Variants in MMP16 observed in about 807,000 individuals in gnomAD.
MMP16 encodes matrix metalloproteinase-16.
In MMP16, 12 loss-of-function variants were observed where a neutral mutation model predicts 67.8. That is an observed-to-expected ratio of 0.18 (90% CI 0.11 to 0.29). The LOEUF is 0.29. Among genes scored for constraint, MMP16 ranks in the 10% least tolerant of loss-of-function variants. The pLI, the probability that MMP16 is intolerant of heterozygous loss-of-function variation, is 1.00. For missense variants in MMP16, 475 were observed against 765.7 expected, an observed-to-expected ratio of 0.62 and a Z score of 4.48; for synonymous variants, 249 against 255.9, an observed-to-expected ratio of 0.97 and a Z score of 0.26.
chr8:88,060,538 A>T (rs1025909886), intron 7 of MMP16, among the ~76,000 whole-genome samples: 1 of 152,124 alleles, frequency 6.6e-6, no homozygotes, highest in Non-Finnish European at 1.5e-5. Context: ...TCTCATCTAC[A>T]TTCCACTTAT....
At chr8:88,196,070 G>C (rs772013876) in intron 2 of MMP16, among the ~76,000 whole-genome samples, 1 of 152,126 alleles carries the variant, frequency 6.6e-6, no homozygotes, top group Non-Finnish European at 1.5e-5. Flanking sequence ...TTTTCTCAAG[G>C]TATATAGCAG....
chr8:88,188,489 A>T (rs897540487), intron 2 of MMP16, among the ~76,000 whole-genome samples: 7 of 152,218 alleles, frequency 4.6e-5, no homozygotes, highest in Non-Finnish European at 1.0e-4. Context: ...AATTTGAAAC[A>T]ACAGAATTAA....
chr8:88,187,441 G>A (rs1178690846), intron 2 of MMP16, among the ~76,000 whole-genome samples: 2 of 152,024 alleles, frequency 1.3e-5, no homozygotes, highest in South Asian at 2.1e-4. Flanking sequence ...TCTTTAGTGC[G>A]TTATAAAGTG....
chr8:88,312,162 G>A (rs542921686), intron 1 of MMP16, among the ~76,000 whole-genome samples: 3 of 152,268 alleles, frequency 2.0e-5, no homozygotes, highest in African/African-American at 7.2e-5. Flanking sequence ...CTAGAGCTGA[G>A]AAGAGAGATG....
At chr8:88,137,750 A>AT (rs1808145137) in intron 4 of MMP16, among the ~76,000 whole-genome samples, 1 of 151,796 alleles carries the variant, frequency 6.6e-6, no homozygotes, top group Non-Finnish European at 1.5e-5. Context: ...TGTGTCCTAT[A>AT]TGCATGTCTC....
rs113280707 is a variant in MMP16 at position 88,167,478 on chromosome 8, T to C, written c.709+191A>G. Reference sequence around the variant, plus strand: ...TCTAATCTTTAATCAAAGGAACACATATATAACTATATTATCTAATGACCC... The same window carrying C: ...TCTAATCTTTAATCAAAGGAACACACATATAACTATATTATCTAATGACCC... On this transcript the variant is annotated intron_variant, in intron 4 of 9. Coordinates refer to ENST00000286614, the MANE Select transcript of MMP16 (RefSeq NM_005941.5). Among the ~76,000 whole-genome samples the C allele has an allele frequency of 7.8e-3, 1,184 of 152,288 alleles. 12 individuals are homozygous for C. The highest frequency in any genetic ancestry group is 0.027 in the African/African-American group (1,132 of 41,566).
rs34758855 is a variant in MMP16, at chr8:88,106,051, G to GTATA, written c.1083+10452_1083+10455dup. 4.3e-3 allele frequency among the ~76,000 whole-genome samples: 631 copies of GTATA among 145,396 alleles called. 5 individuals carry two copies. Among genetic ancestry groups the GTATA allele is most frequent in the East Asian group, 0.034 (167 of 4,922 alleles). On this transcript the variant is annotated intron_variant, in intron 6 of 9. Coordinates refer to ENST00000286614, the MANE Select transcript of MMP16 (RefSeq NM_005941.5). Reference sequence around the variant, plus strand: ...ACGTGTATATATATTTACACGTTATGTATATATATATATATATATATATGT... The same window carrying GTATA: ...ACGTGTATATATATTTACACGTTATGTATATATATATATATATATATATATATGT...
At chr8:88,238,817 C>T (rs939919281) in intron 1 of MMP16, among the ~76,000 whole-genome samples, 1 of 151,514 alleles carries the variant, frequency 6.6e-6, no homozygotes, top group Non-Finnish European at 1.5e-5. Flanking sequence ...TGAGAAAATA[C>T]TATGATAGAA....
Position 88,318,773 on chromosome 8 carries a change from CTT to C in MMP16, c.132+8300_132+8301del, listed in dbSNP as rs372208171. On this transcript the variant is annotated intron_variant, in intron 1 of 9. Transcript: ENST00000286614. ...GTTTATATATGAAACATTTAGAACA[CTT>C]ATTAGGCACATAGCATGTGTTTAAC... Among the ~76,000 whole-genome samples, 33 of 152,242 alleles carry C rather than the reference CTT, an allele frequency of 2.2e-4. 2 individuals carry two copies. The highest frequency in any genetic ancestry group is 3.4e-3 in the Middle Eastern group (1 of 294).
intron 1 of MMP16, among the ~76,000 whole-genome samples, chr8:88,209,817 T>C (rs1280438955): frequency 6.6e-6 from 1 of 152,152 alleles, no homozygotes; most frequent in East Asian, 1.9e-4. Flanking sequence ...CCAGATAATA[T>C]CCCATTACAT....
chr8:88,098,845 T>G (rs1019336113), intron 6 of MMP16, among the ~76,000 whole-genome samples: 2 of 151,912 alleles, frequency 1.3e-5, no homozygotes, highest in African/African-American at 4.8e-5. Context: ...AACAAAATTA[T>G]GGCTAAACTT....
At chr8:88,092,988 C>T (rs571414217) in intron 6 of MMP16, among the ~76,000 whole-genome samples, 1 of 151,912 alleles carries the variant, frequency 6.6e-6, no homozygotes, top group East Asian at 1.9e-4. Flanking sequence ...GTATTTAATT[C>T]TTCTTAAATA....
At chr8:88,281,022 T>A (rs1366608371) in intron 1 of MMP16, among the ~76,000 whole-genome samples, 2 of 152,096 alleles carry the variant, frequency 1.3e-5, no homozygotes, top group African/African-American at 2.4e-5. Context: ...AGAGCACAAA[T>A]TAATAACGAT....
chr8:88,071,524 A>G (rs937048122), intron 7 of MMP16, among the ~76,000 whole-genome samples: 1 of 152,140 alleles, frequency 6.6e-6, no homozygotes, highest in Non-Finnish European at 1.5e-5. Flanking sequence ...GAGAGAGAAG[A>G]AGAAAACAAA....
intron 7 of MMP16, among the ~76,000 whole-genome samples, chr8:88,073,376 C>T (rs1482614933): frequency 1.3e-5 from 2 of 152,116 alleles, no homozygotes; most frequent in African/African-American, 2.4e-5. Context: ...ATGCCAGGCA[C>T]TTTACATGTA....
intron 1 of MMP16, among the ~76,000 whole-genome samples, chr8:88,281,519 G>A (rs922626921): frequency 3.9e-5 from 6 of 152,216 alleles, no homozygotes; most frequent in African/African-American, 1.4e-4. Flanking sequence ...TGTTGTGGAT[G>A]TTAATATCAG....
chr8:88,222,833 A>T (rs567278389), intron 1 of MMP16, among the ~76,000 whole-genome samples: 28 of 152,342 alleles, frequency 1.8e-4, no homozygotes, highest in African/African-American at 6.5e-4. Context: ...ACAAAAGCCA[A>T]AACAGACAAA....
chr8:88,257,680 G>C (rs28904591), intron 1 of MMP16, among the ~76,000 whole-genome samples: 4 of 152,128 alleles, frequency 2.6e-5, no homozygotes, highest in Non-Finnish European at 4.4e-5. Flanking sequence ...TTATAAGCAT[G>C]GAGTATAAAC....
rs1343513889 is a variant in MMP16 at position 88,045,575 on chromosome 8, T to C, written c.1489+1094A>G. Among the ~76,000 whole-genome samples the C allele has an allele frequency of 7.9e-5, 12 of 152,116 alleles. 1 individual carries two copies. In the South Asian group the frequency reaches 8.3e-4, roughly 11 times the overall value. ...TTTAGTAGAGATGGGGGTGTCATCA[T>C]TGTGGCCAGGCTGGTCCCAAACTCA... On this transcript the variant is annotated intron_variant, in intron 9 of 9. Coordinates refer to ENST00000286614, the MANE Select transcript of MMP16 (RefSeq NM_005941.5).
Sources: gnomAD v4.1 joint callset for allele counts (sites outside exome capture counted in the v4.1 genomes callset) on GRCh38, gnomAD v4.1.1 for gene constraint, MANE v1.5 for transcripts, NCBI Gene and HGNC (gene_info 2026-07-23, HGNC 2026-07-21) for gene names.